The following LOC400499 variants were observed in gnomAD, a reference collection of about 807,000 sequenced individuals.
chr16:11,384,386 G>C, the LOC400499 span: 1 of 953,296 alleles, frequency 1.0e-6, no homozygotes, highest in Non-Finnish European at 1.4e-6. Context: ...CCCAGCCCCA[G>C]CCCTGCTGCC....
At chr16:11,465,319 G>C in the LOC400499 span, 1 of 152,166 alleles carries the variant, frequency 6.6e-6, no homozygotes, top group Non-Finnish European at 1.5e-5. Context: ...CAGAGACAGG[G>C]TTTCACCATC....
chr16:11,433,734 G>A, the LOC400499 span, among the ~76,000 whole-genome samples: 2 of 152,154 alleles, frequency 1.3e-5, no homozygotes, highest in Non-Finnish European at 1.5e-5. Context: ...GGTCATGCCC[G>A]CATGATGAAG....
At chr16:11,382,771 C>G in the LOC400499 span, among the ~76,000 whole-genome samples, 2 of 152,090 alleles carry the variant, frequency 1.3e-5, no homozygotes, top group Non-Finnish European at 2.9e-5. Flanking sequence ...GATTGTGCCA[C>G]TGCACTCCAG....
At chr16:11,503,924 G>GCTTCCTTC in the LOC400499 span, among the ~76,000 whole-genome samples, 2 of 152,210 alleles carry the variant, frequency 1.3e-5, no homozygotes, top group Non-Finnish European at 2.9e-5. Context: ...TTCCAGGCCT[G>GCTTCCTTC]CTTCCTTCCT....
chr16:11,505,272 C>A, the LOC400499 span, among the ~76,000 whole-genome samples: 4 of 152,068 alleles, frequency 2.6e-5, no homozygotes, highest in East Asian at 7.7e-4. Context: ...AAGAAATGCA[C>A]CTTAGCACGT....
chr16:11,473,263 C>T, the LOC400499 span: 3 of 150,210 alleles, frequency 2.0e-5, no homozygotes, highest in Admixed American at 1.3e-4. Context: ...CTAAATGCAA[C>T]TTAAATGCAA....
chr16:11,402,949 T>A, the LOC400499 span, among the ~76,000 whole-genome samples: 1 of 152,136 alleles, frequency 6.6e-6, no homozygotes, highest in South Asian at 2.1e-4. Context: ...CACCGTCTGC[T>A]GTCCTGTGCT....
the LOC400499 span, chr16:11,423,061 GCAGCGAACT>G: frequency 7.5e-6 from 3 of 398,356 alleles, no homozygotes; most frequent in Non-Finnish European, 1.3e-5. Context: ...GTATCTCCTG[GCAGCGAACT>G]CAGCTCCGGG....
At chr16:11,444,010 GT>G in the LOC400499 span, among the ~76,000 whole-genome samples, 3 of 148,600 alleles carry the variant, frequency 2.0e-5, no homozygotes, top group East Asian at 3.9e-4. Context: ...AATTTTTATA[GT>G]TTTTTTTTTA....
chr16:11,385,902 C>T, the LOC400499 span, among the ~76,000 whole-genome samples: 170 of 152,132 alleles, frequency 1.1e-3, no homozygotes, highest in African/African-American at 3.9e-3. Flanking sequence ...CCAGGCACGG[C>T]GGCGCTAAAA....
the LOC400499 span, chr16:11,384,053 G>A: frequency 8.1e-7 from 1 of 1,231,780 alleles, no homozygotes; most frequent in Non-Finnish European, 1.0e-6. Context: ...TGGACCATGT[G>A]GCTCCCCCGC....
the LOC400499 span, among the ~76,000 whole-genome samples, chr16:11,384,543 G>A: frequency 1.3e-5 from 2 of 152,178 alleles, no homozygotes; most frequent in Admixed American, 1.3e-4. Flanking sequence ...GGGACAGCAT[G>A]TGTATCCCCC....
At chr16:11,384,060 C>A in the LOC400499 span, 1 of 1,231,708 alleles carries the variant, frequency 8.1e-7, no homozygotes, top group South Asian at 4.1e-5. Flanking sequence ...TGTGGCTCCC[C>A]CGCGTACACT....
chr16:11,385,295 C>A, the LOC400499 span: 3 of 1,232,304 alleles, frequency 2.4e-6, no homozygotes, highest in Non-Finnish European at 3.0e-6. Context: ...GACTCAGCGT[C>A]AGCGAGAATG....
chr16:11,447,075 A>C, the LOC400499 span, among the ~76,000 whole-genome samples: 1 of 152,138 alleles, frequency 6.6e-6, no homozygotes, highest in East Asian at 1.9e-4. Context: ...TATGCTTTAC[A>C]ATGTGGCATC....
chr16:11,389,368 T>C, the LOC400499 span, among the ~76,000 whole-genome samples: 1 of 151,968 alleles, frequency 6.6e-6, no homozygotes, highest in East Asian at 1.9e-4. Flanking sequence ...GTAAGAAGGG[T>C]TTTTGTGTGT....
chr16:11,425,407 C>G, the LOC400499 span: 2 of 399,186 alleles, frequency 5.0e-6, no homozygotes, highest in African/African-American at 2.1e-5. Flanking sequence ...CCCAGCACAG[C>G]TGAGTCAGCA....
At chr16:11,512,240 C>G in the LOC400499 span, among the ~76,000 whole-genome samples, 1 of 151,888 alleles carries the variant, frequency 6.6e-6, no homozygotes, top group South Asian at 2.1e-4. Context: ...TGAGATCATG[C>G]TACTGCACTC....
chr16:11,466,823 G>A, the LOC400499 span, among the ~76,000 whole-genome samples: 2 of 152,048 alleles, frequency 1.3e-5, no homozygotes, highest in South Asian at 4.1e-4. Context: ...ATAATATTTA[G>A]ATTGAATTAA....
Sources: gnomAD v4.1 joint callset for allele counts (sites outside exome capture counted in the v4.1 genomes callset) on GRCh38, gnomAD v4.1.1 for gene constraint, MANE v1.5 for transcripts.